RBFOX1: variants seen among roughly 807,000 people sequenced by gnomAD.
The protein encoded by RBFOX1 is RNA binding protein fox-1 homolog 1.
A neutral mutation model predicts 57.7 loss-of-function variants in RBFOX1; 8 were observed. That is an observed-to-expected ratio of 0.14 (90% CI 0.08 to 0.25). The LOEUF is 0.25. Among genes scored for constraint, RBFOX1 ranks in the 10% least tolerant of loss-of-function variants. RBFOX1 has a pLI of 1.00. For synonymous variants in RBFOX1, 326 were observed against 222.4 expected (o/e 1.47, Z -4.15); for missense variants, 611 against 548.5 (o/e 1.11, Z -1.14).
At chr16:5,786,836 G>C (rs1029278982) in intron 3 of RBFOX1, among the ~76,000 whole-genome samples, 3 of 152,162 alleles carry the variant, frequency 2.0e-5, no homozygotes, top group Non-Finnish European at 4.4e-5. Context: ...AGTGAAAGAG[G>C]TCTGAAAGGT....
At chr16:5,974,986 C>A (rs973804858) in intron 4 of RBFOX1, among the ~76,000 whole-genome samples, 1 of 152,002 alleles carries the variant, frequency 6.6e-6, no homozygotes, top group Admixed American at 6.6e-5. Flanking sequence ...CCAGCCTGGG[C>A]AACAAGAGCG....
chr16:5,772,016 A>G (rs2053995874), intron 3 of RBFOX1, among the ~76,000 whole-genome samples: 1 of 152,132 alleles, frequency 6.6e-6, no homozygotes, highest in African/African-American at 2.4e-5. Context: ...TATTAAAAAT[A>G]CAAAAGTTAG....
intron 4 of RBFOX1, among the ~76,000 whole-genome samples, chr16:7,476,736 C>T (rs1264733740): frequency 6.6e-6 from 1 of 152,152 alleles, no homozygotes. Context: ...GCTCTGTATC[C>T]TTGCAAATCT....
intron 4 of RBFOX1, among the ~76,000 whole-genome samples, chr16:7,379,280 G>C (rs957022502): frequency 6.6e-6 from 1 of 152,120 alleles, no homozygotes; most frequent in Non-Finnish European, 1.5e-5. Context: ...ACTGTGCCCT[G>C]CCTCTTTCTG....
At chr16:7,693,279 A>G (rs2077781939) in intron 14 of RBFOX1, 2 of 1,596,598 alleles carry the variant, frequency 1.3e-6, no homozygotes, top group African/African-American at 1.3e-5. Flanking sequence ...TTTCCCCCTG[A>G]GCGAGCAGTA....
intron 3 of RBFOX1, among the ~76,000 whole-genome samples, chr16:7,022,758 A>C (rs1185304534): frequency 6.6e-6 from 1 of 152,170 alleles, no homozygotes; most frequent in African/African-American, 2.4e-5. Context: ...ACAGTTTCCT[A>C]ATGTTTGGTA....
intron 4 of RBFOX1, among the ~76,000 whole-genome samples, chr16:7,068,829 T>C (rs2153770995): frequency 6.6e-6 from 1 of 152,308 alleles, no homozygotes; most frequent in South Asian, 2.1e-4. Context: ...CCTCAAGTGG[T>C]CCACCTGCCA....
intron 4 of RBFOX1, among the ~76,000 whole-genome samples, chr16:7,194,079 G>A (rs2086091335): frequency 6.6e-6 from 1 of 152,094 alleles, no homozygotes; most frequent in African/African-American, 2.4e-5. Flanking sequence ...TTGGGAGAAG[G>A]AGTTATTCTC....
chr16:7,175,296 T>C (rs1396996358), intron 4 of RBFOX1, among the ~76,000 whole-genome samples: 1 of 152,170 alleles, frequency 6.6e-6, no homozygotes, highest in Non-Finnish European at 1.5e-5. Context: ...GAGAACAAAG[T>C]GCATGATCTT....
intron 3 of RBFOX1, among the ~76,000 whole-genome samples, chr16:6,658,925 T>TG (rs1363936079): frequency 1.2e-5 from 1 of 86,704 alleles, no homozygotes; most frequent in East Asian, 4.1e-4. Flanking sequence ...TTTTTGTTTT[T>TG]TGGTTTTTTT....
chr16:7,237,909 C>T (rs2093852972), intron 4 of RBFOX1, among the ~76,000 whole-genome samples: 1 of 152,170 alleles, frequency 6.6e-6, no homozygotes, highest in Non-Finnish European at 1.5e-5. Context: ...GAGGCTGAAG[C>T]ATGAGAATTG....
intron 2 of RBFOX1, among the ~76,000 whole-genome samples, chr16:6,518,616 T>C (rs932640752): frequency 4.6e-5 from 7 of 152,160 alleles, no homozygotes; most frequent in African/African-American, 1.7e-4. Flanking sequence ...TGCCTCCAGC[T>C]CTTGGGGCTT....
chr16:6,920,644 G>A (rs754716108), intron 3 of RBFOX1, among the ~76,000 whole-genome samples: 1 of 152,142 alleles, frequency 6.6e-6, no homozygotes. Context: ...AGCTTTGAGG[G>A]AGAATACATT....
At chr16:6,566,884 T>G (rs73537296) in intron 2 of RBFOX1, among the ~76,000 whole-genome samples, 3,324 of 152,298 alleles carry the variant, frequency 0.022, 121 homozygotes, top group African/African-American at 0.076. Flanking sequence ...TGAAATATTT[T>G]CCCCATATCT....
At chr16:6,176,303 G>T in intron 1 of RBFOX1, among the ~76,000 whole-genome samples, 1 of 139,748 alleles carries the variant, frequency 7.2e-6, no homozygotes, top group East Asian at 2.0e-4. Context: ...CCACCGCCAT[G>T]CCTGACCAAA....
chr16:6,928,244 G>T (rs79536371), intron 3 of RBFOX1, among the ~76,000 whole-genome samples: 1 of 152,196 alleles, frequency 6.6e-6, no homozygotes, highest in African/African-American at 2.4e-5. Context: ...TAATTGGTCT[G>T]AGGATCCCTG....
At chr16:5,357,014 A>T in intron 1 of RBFOX1, among the ~76,000 whole-genome samples, 1 of 152,174 alleles carries the variant, frequency 6.6e-6, no homozygotes, top group Admixed American at 6.5e-5. Context: ...AGATAAGGAG[A>T]TGGAGGCTTA....
intron 3 of RBFOX1, among the ~76,000 whole-genome samples, chr16:7,039,585 T>G (rs2045543890): frequency 6.6e-6 from 1 of 152,216 alleles, no homozygotes; most frequent in South Asian, 2.1e-4. Flanking sequence ...TGTAACACAC[T>G]TTTGTTCTTC....
At chr16:6,335,751 C>G (rs1166231584) in intron 2 of RBFOX1, among the ~76,000 whole-genome samples, 2 of 132,696 alleles carry the variant, frequency 1.5e-5, no homozygotes, top group African/African-American at 6.1e-5. Flanking sequence ...ACAGTCCAGC[C>G]TGGGGGATAC....
Sources: allele counts gnomAD v4.1 joint callset (sites outside exome capture counted in the v4.1 genomes callset), GRCh38; gene constraint gnomAD v4.1.1; transcripts MANE v1.5; gene names NCBI Gene and HGNC (gene_info 2026-07-23, HGNC 2026-07-21).